Variants in ZNF469 observed in about 807,000 individuals in gnomAD.
ZNF469 encodes zinc finger protein 469.
In ZNF469, 1 loss-of-function variant was observed where a neutral mutation model predicts 1.0. The ratio of observed to expected loss-of-function variants is 1.00; its 90% CI spans 0.35 to 4.73. ZNF469 has a LOEUF of 4.73. Ranked by LOEUF, ZNF469 falls within the 30% of genes most tolerant of loss-of-function variation. The probability of loss-of-function intolerance (pLI) is 0.16; values close to 1 mark genes in which losing one functional copy is unlikely to be tolerated. For synonymous variants in ZNF469, 2,703 were observed against 2,363.4 expected, an observed-to-expected ratio of 1.14 and a Z score of -4.17; for missense variants, 6,100 against 5,356.3, an observed-to-expected ratio of 1.14 and a Z score of -4.33.
At chr16:88,384,140 T>C (rs1012817240) in intron 1 of ZNF469, among the ~76,000 whole-genome samples, 2 of 152,248 alleles carry the variant, frequency 1.3e-5, no homozygotes, top group Non-Finnish European at 2.9e-5. Context: ...TGCCACGTGT[T>C]ATCACGTTTA....
the ZNF469 span, among the ~76,000 whole-genome samples, chr16:88,110,328 G>A: frequency 3.9e-5 from 6 of 152,248 alleles, no homozygotes; most frequent in African/African-American, 1.4e-4. Flanking sequence ...CAGGTGGTCC[G>A]CTGCCAGTCC....
the ZNF469 span, among the ~76,000 whole-genome samples, chr16:88,136,571 TA>T: frequency 6.6e-6 from 1 of 152,254 alleles, no homozygotes; most frequent in South Asian, 2.1e-4. Flanking sequence ...CCTTCACAAA[TA>T]AACCTAGCTA....
chr16:88,392,263 C>T (rs929597185), intron 1 of ZNF469, among the ~76,000 whole-genome samples: 10 of 152,284 alleles, frequency 6.6e-5, no homozygotes, highest in Non-Finnish European at 1.5e-4. Flanking sequence ...TGTGCAAACG[C>T]TCCGTGGCCA....
the ZNF469 span, among the ~76,000 whole-genome samples, chr16:88,173,213 GCAGCCAGATAA>G: frequency 6.6e-6 from 1 of 152,034 alleles, no homozygotes; most frequent in Non-Finnish European, 1.5e-5. Flanking sequence ...AATCTTAGAA[GCAGCCAGATAA>G]GAAAAAACAT....
At chr16:88,112,417 C>T in the ZNF469 span, among the ~76,000 whole-genome samples, 4 of 152,210 alleles carry the variant, frequency 2.6e-5, no homozygotes, top group Admixed American at 2.6e-4. Context: ...TACGAGGGTT[C>T]CCTTTTCCCA....
chr16:88,106,245 G>C, the ZNF469 span, among the ~76,000 whole-genome samples: 1 of 152,164 alleles, frequency 6.6e-6, no homozygotes, highest in Non-Finnish European at 1.5e-5. Context: ...GAACTGTGAC[G>C]GCCCCTCCTC....
the ZNF469 span, among the ~76,000 whole-genome samples, chr16:88,275,597 G>A: frequency 1.3e-5 from 2 of 152,150 alleles, no homozygotes; most frequent in Non-Finnish European, 2.9e-5. Context: ...AGGGAGGCGC[G>A]GCTTTCTCCT....
the ZNF469 span, among the ~76,000 whole-genome samples, chr16:88,121,231 G>T: frequency 1.5e-5 from 1 of 67,950 alleles, no homozygotes; most frequent in Non-Finnish European, 3.5e-5. Context: ...GTGAAGGGGG[G>T]GAGGTTGGGG....
the ZNF469 span, among the ~76,000 whole-genome samples, chr16:88,138,236 T>A: frequency 3.3e-5 from 5 of 152,246 alleles, no homozygotes; most frequent in Non-Finnish European, 7.3e-5. Context: ...CATTACTCAC[T>A]GGCAAGAGTT....
At chr16:88,250,947 G>T in the ZNF469 span, among the ~76,000 whole-genome samples, 1 of 152,068 alleles carries the variant, frequency 6.6e-6, no homozygotes, top group Non-Finnish European at 1.5e-5. Context: ...GCATGATCTC[G>T]GCTCACTGCA....
At chr16:88,243,947 T>TATATATATAA in the ZNF469 span, among the ~76,000 whole-genome samples, 1 of 120,194 alleles carries the variant, frequency 8.3e-6, no homozygotes, top group South Asian at 2.8e-4. Flanking sequence ...TATATATATA[T>TATATATATAA]ATATAAATGT....
the ZNF469 span, among the ~76,000 whole-genome samples, chr16:88,244,233 G>T: frequency 6.9e-6 from 1 of 145,598 alleles, no homozygotes; most frequent in Admixed American, 6.9e-5. Context: ...GGATGGGTGG[G>T]TGGGGGTTTG....
the ZNF469 span, among the ~76,000 whole-genome samples, chr16:88,135,386 T>C: frequency 4.6e-5 from 7 of 152,338 alleles, no homozygotes; most frequent in African/African-American, 1.7e-4. Context: ...GCTGGTTGAC[T>C]CTGTTGTCAG....
At chr16:88,130,897 T>C in the ZNF469 span, among the ~76,000 whole-genome samples, 1 of 151,864 alleles carries the variant, frequency 6.6e-6, no homozygotes, top group East Asian at 1.9e-4. Context: ...AGTGGGGGTG[T>C]GAAGTGGCCG....
At chr16:88,415,021 A>T (rs7196452) in intron 1 of ZNF469, among the ~76,000 whole-genome samples, 2 of 152,348 alleles carry the variant, frequency 1.3e-5, no homozygotes, top group South Asian at 2.1e-4. Context: ...AGGGAAGGGC[A>T]CTGCCTCGGC....
At chr16:88,179,413 C>T in the ZNF469 span, among the ~76,000 whole-genome samples, 5 of 152,242 alleles carry the variant, frequency 3.3e-5, no homozygotes, top group African/African-American at 7.2e-5. Context: ...TCACCCTCCA[C>T]CCTAAGCAGG....
the ZNF469 span, among the ~76,000 whole-genome samples, chr16:88,135,425 A>G: frequency 1.6e-4 from 24 of 152,236 alleles, no homozygotes; most frequent in Non-Finnish European, 1.8e-4. Context: ...CTGACTCCAG[A>G]TGGACGAGGT....
the ZNF469 span, among the ~76,000 whole-genome samples, chr16:88,330,437 G>C: frequency 6.6e-6 from 1 of 152,268 alleles, no homozygotes; most frequent in African/African-American, 2.4e-5. Flanking sequence ...TGAGAGCGGA[G>C]TGGGTTTGCT....
At chr16:88,224,482 T>C in the ZNF469 span, among the ~76,000 whole-genome samples, 3 of 152,210 alleles carry the variant, frequency 2.0e-5, no homozygotes, top group Non-Finnish European at 4.4e-5. Flanking sequence ...CAGCAAATAC[T>C]TGGGCAGTAC....
Sources: gnomAD v4.1 joint callset for allele counts (sites outside exome capture counted in the v4.1 genomes callset) on GRCh38, gnomAD v4.1.1 for gene constraint, MANE v1.5 for transcripts, NCBI Gene and HGNC (gene_info 2026-07-23, HGNC 2026-07-21) for gene names.